The following ZNF367 variants were observed in gnomAD, a reference collection of about 807,000 sequenced individuals.
The protein encoded by ZNF367 is zinc finger protein 367.
Under a neutral mutation model 31.8 loss-of-function variants are expected in ZNF367, and 11 were observed. The ratio of observed to expected loss-of-function variants is 0.35; its 90% CI spans 0.22 to 0.57. The LOEUF (loss-of-function observed/expected upper bound fraction) is 0.57. ZNF367 is among the 20% of genes least tolerant of loss of function. The pLI, the probability that ZNF367 is intolerant of heterozygous loss-of-function variation, is 0.85. For synonymous variants in ZNF367, 199 were observed against 202.4 expected (o/e 0.98, Z 0.14); for missense variants, 353 against 484.1 (o/e 0.73, Z 2.54).
In ZNF367 at chr9:96,417,976, G is replaced by GGGCGGC. The variant is rs553637829; in HGVS notation, c.51_56dup (p.Pro18_Pro19dup). 4,647 of 1,446,332 alleles carry GGGCGGC rather than the reference G, an allele frequency of 3.2e-3. 12 individuals are homozygous for GGGCGGC. The highest frequency in any genetic ancestry group is 3.3e-3 in the Non-Finnish European group (3,613 of 1,104,162). The allele number at this position is 1,446,332 out of a possible 1,614,324, so 89.6% of individuals were successfully genotyped here. A position where few individuals can be genotyped will look rare whatever the true frequency, so the allele number is the denominator to read the frequency against. ...TCGGGGAGTCGTGGCAGAAGATGAC[G>GGGCGGC]GGCGGCGGCGGCGGCGGCGGGTTCT... is the stretch of plus-strand genomic sequence containing the variant. On this transcript the variant is annotated inframe_insertion, in exon 1 of 5. Coordinates refer to ENST00000375256, the MANE Select transcript of ZNF367 (RefSeq NM_153695.4). This position sits in a 1 kb window ranked among gnomAD's most constrained non-coding sequence, Gnocchi z 5.0.
intron 3 of ZNF367, among the ~76,000 whole-genome samples, chr9:96,394,031 T>C (rs1047057707): frequency 3.3e-5 from 5 of 152,208 alleles, no homozygotes; most frequent in Non-Finnish European, 7.3e-5. Context: ...TAGAAACTGA[T>C]AAAAGATTAA....
intron 4 of ZNF367, among the ~76,000 whole-genome samples, chr9:96,392,036 G>A (rs951328708): frequency 6.6e-6 from 1 of 152,094 alleles, no homozygotes; most frequent in Non-Finnish European, 1.5e-5. Context: ...CACCTCGGCT[G>A]TCTATCCCTG....
intron 2 of ZNF367, 36 bp downstream of exon 2, chr9:96,398,128 A>G (rs758900537): frequency 4.2e-5 from 26 of 612,500 alleles, no homozygotes; most frequent in Middle Eastern, 4.8e-4. Context: ...AAAAAGTGTT[A>G]CTTCTGGCAG....
chr9:96,413,770 G>A (rs1831782355), intron 1 of ZNF367, among the ~76,000 whole-genome samples: 2 of 152,174 alleles, frequency 1.3e-5, no homozygotes, highest in African/African-American at 4.8e-5. Flanking sequence ...GGCGAGGGAG[G>A]CAGTGTTGGG....
rs1458789243 is a variant in ZNF367, at chr9:96,386,215, T to C, written c.*2022A>G. ...ATAATTTCTTAAACTGTTGCAATTA[T>C]ACAAATAAAAAATGTTTATGAAAAA... is the stretch of plus-strand genomic sequence containing the variant. On this transcript the variant is annotated 3_prime_UTR_variant, in exon 5 of 5. Transcript: ENST00000375256. 2 of 152,134 alleles carry C rather than the reference T, an allele frequency of 1.3e-5. No individual in the cohort carries two copies. The highest frequency in any genetic ancestry group is 2.4e-5 in the African/African-American group (1 of 41,436). The allele number at this position is 152,134 out of a possible 1,614,324, so 9.4% of individuals were successfully genotyped here.
At chr9:96,400,868 T>C (rs1031151938) in intron 1 of ZNF367, among the ~76,000 whole-genome samples, 1 of 151,866 alleles carries the variant, frequency 6.6e-6, no homozygotes, top group African/African-American at 2.4e-5. Flanking sequence ...AATAAAGGGA[T>C]CCACACCAAG....
Position 96,398,274 on chromosome 9 carries a change from C to T in ZNF367, c.461G>A (p.Arg154His), listed in dbSNP as rs930166194. 17 of 1,613,676 alleles carry T rather than the reference C, an allele frequency of 1.1e-5. No individual in the cohort carries two copies. Among genetic ancestry groups the T allele is most frequent in the Non-Finnish European group, 1.4e-5 (17 of 1,179,806 alleles). Residue 154 changes from arginine (R) to histidine (H), a missense_variant, in exon 2 of 5, where the codon CGC becomes CAC. Arg to His is a conservative substitution (Grantham distance 29, BLOSUM62 0). Transcript: ENST00000375256. ...RRGRPRADTVRDLINEGEHSS... is the reference protein window; with the variant it reads ...RRGRPRADTVHDLINEGEHSS... ...ATGCTCTCCTTCATTTATTAAATCG[C>T]GGACAGTATCTGCTCTGGGCCTACC...
intron 1 of ZNF367, among the ~76,000 whole-genome samples, chr9:96,411,977 G>A (rs570446763): frequency 1.9e-4 from 29 of 152,168 alleles, no homozygotes; most frequent in Admixed American, 7.2e-4. Flanking sequence ...ATAGGCAAGC[G>A]TCACCATGCC....
At chr9:96,415,596 C>G (rs1317039704) in intron 1 of ZNF367, among the ~76,000 whole-genome samples, 1 of 138,996 alleles carries the variant, frequency 7.2e-6, no homozygotes, top group African/African-American at 2.6e-5. Flanking sequence ...CTCCCGAGTT[C>G]TACCAATTCT....
At chr9:96,390,652 G>C (rs933951601) in intron 4 of ZNF367, among the ~76,000 whole-genome samples, 1 of 152,082 alleles carries the variant, frequency 6.6e-6, no homozygotes, top group Admixed American at 6.6e-5. Flanking sequence ...GGGAGGCCAA[G>C]GTGCGAGAAT....
At position 96,417,670 on chromosome 9, in the gene ZNF367, G is replaced by C; in HGVS notation, c.363C>G (p.Ala121=). 1.9e-6 allele frequency: 2 copies of C among 1,054,090 alleles called. No individual in the cohort carries two copies. Among genetic ancestry groups the C allele is most frequent in the Non-Finnish European group, 2.4e-6 (2 of 834,016 alleles). The allele number at this position is 1,054,090 out of a possible 1,614,324, so 65.3% of individuals were successfully genotyped here. A position where few individuals can be genotyped will look rare whatever the true frequency, so the allele number is the denominator to read the frequency against. ...CCTCCTCGTCCTCACCTCCCGAGGC[G>C]GCGGCGGAGGCCGAGGCGGCGGGCG... The part of the protein sequence containing the change: ...APPPAASASA[A]ASGGEDEEEA... Residue 121 remains alanine (A), a synonymous_variant, in exon 1 of 5, where the codon GCC becomes GCG. Coordinates refer to ENST00000375256, the MANE Select transcript of ZNF367 (RefSeq NM_153695.4). The surrounding 1 kb of genome is among the most constrained non-coding windows in gnomAD (Gnocchi z 5.0).
Position 96,417,301 on chromosome 9 carries a change from T to G in ZNF367, c.420+312A>C, listed in dbSNP as rs1480070356. ...CATCCCTCTCGTTTCCTCTCGGAAC[T>G]GAGGACTCGGCAGCCCGCCGGGAGG... is the stretch of plus-strand genomic sequence containing the variant. On this transcript the variant is annotated intron_variant, in intron 1 of 4. Coordinates refer to ENST00000375256, the MANE Select transcript of ZNF367 (RefSeq NM_153695.4). The surrounding 1 kb of genome is among the most constrained non-coding windows in gnomAD (Gnocchi z 5.0). Among the ~76,000 whole-genome samples the G allele has an allele frequency of 1.3e-5, 2 of 152,132 alleles. No homozygotes were observed. The highest frequency in any genetic ancestry group is 2.4e-5 in the African/African-American group (1 of 41,430).
At chr9:96,398,410 G>C (rs1341029951) in intron 1 of ZNF367, 96 bp from the exon 2 acceptor site, 1 of 1,149,184 alleles carries the variant, frequency 8.7e-7, no homozygotes, top group African/African-American at 1.6e-5. Context: ...TTTCTTGGGA[G>C]CTGGGCGCAG....
intron 3 of ZNF367, among the ~76,000 whole-genome samples, 186 bp from the exon 4 acceptor site, chr9:96,392,722 C>T (rs1831486488): frequency 1.3e-5 from 2 of 152,222 alleles, no homozygotes; most frequent in African/African-American, 4.8e-5. Flanking sequence ...GACAGGAAGA[C>T]AGTCACATTT....
intron 4 of ZNF367, 125 bp downstream of exon 4, chr9:96,392,273 T>C (rs1228477371): frequency 7.0e-7 from 1 of 1,433,914 alleles, no homozygotes; most frequent in South Asian, 1.2e-5. Context: ...AGGGGTCATT[T>C]CTAATTATGT....
chr9:96,413,520 G>A (rs1165392099), intron 1 of ZNF367, among the ~76,000 whole-genome samples: 2 of 152,168 alleles, frequency 1.3e-5, no homozygotes, highest in African/African-American at 4.8e-5. Context: ...AGGGTGAATA[G>A]TATCTGAGAA....
intron 1 of ZNF367, among the ~76,000 whole-genome samples, chr9:96,400,392 CAAAAA>C (rs57650386): frequency 2.8e-5 from 2 of 71,898 alleles, no homozygotes; most frequent in Non-Finnish European, 5.2e-5. Context: ...GACCCTGTCT[CAAAAA>C]AAAAAAAAAA....
intron 2 of ZNF367, among the ~76,000 whole-genome samples, chr9:96,396,973 T>G (rs1490491576): frequency 2.0e-5 from 3 of 152,194 alleles, no homozygotes; most frequent in Non-Finnish European, 4.4e-5. Context: ...AGCCATGAAA[T>G]TAATTTTAAT....
intron 3 of ZNF367, among the ~76,000 whole-genome samples, chr9:96,392,738 G>A (rs190685790): frequency 9.8e-5 from 15 of 152,326 alleles, no homozygotes; most frequent in East Asian, 1.9e-4. Flanking sequence ...CATTTTGGTC[G>A]TGGCCATGTG....
Sources: gnomAD v4.1 joint callset for allele counts (sites outside exome capture counted in the v4.1 genomes callset) on GRCh38, gnomAD v4.1.1 for gene constraint, Gnocchi (gnomAD v3.1) non-coding constraint, MANE v1.5 for transcripts, NCBI Gene and HGNC (gene_info 2026-07-23, HGNC 2026-07-21) for gene names.